RASAL2: variants seen among roughly 807,000 people sequenced by gnomAD.
RASAL2 encodes ras GTPase-activating protein nGAP.
A neutral mutation model predicts 128.9 loss-of-function variants in RASAL2; 58 were observed. The observed-to-expected ratio is 0.45, with a 90% CI of 0.36 to 0.56. The LOEUF (loss-of-function observed/expected upper bound fraction) is 0.56. RASAL2 is among the 20% of genes least tolerant of loss of function. The pLI is 0.00. For missense variants in RASAL2, 1,360 were observed against 1,601.6 expected (o/e 0.85, Z 2.57); for synonymous variants, 561 against 580.8 (o/e 0.97, Z 0.49).
At chr1:178,103,711 G>A (rs1658987258) in intron 1 of RASAL2, among the ~76,000 whole-genome samples, 1 of 151,868 alleles carries the variant, frequency 6.6e-6, no homozygotes, top group Non-Finnish European at 1.5e-5. Flanking sequence ...TTTTCTTAGT[G>A]ATTTGTAGGA....
chr1:178,466,238 T>C, intron 16 of RASAL2, 116 bp downstream of exon 16: 2 of 943,344 alleles, frequency 2.1e-6, no homozygotes, highest in Non-Finnish European at 3.0e-6. Flanking sequence ...TGGTACTGAG[T>C]ACAAATGTGA....
chr1:178,382,819 A>G (rs1451903861), intron 3 of RASAL2, among the ~76,000 whole-genome samples: 1 of 152,176 alleles, frequency 6.6e-6, no homozygotes, highest in Admixed American at 6.5e-5. Context: ...TTATGTTTTC[A>G]TCATCATCAT....
At chr1:178,370,342 C>T (rs537872220) in intron 3 of RASAL2, among the ~76,000 whole-genome samples, 6 of 152,168 alleles carry the variant, frequency 3.9e-5, no homozygotes, top group African/African-American at 1.4e-4. Flanking sequence ...ATGTCCAATC[C>T]CAGAGCTCCA....
chr1:178,200,378 G>A (rs565593819), intron 1 of RASAL2, among the ~76,000 whole-genome samples: 4 of 152,190 alleles, frequency 2.6e-5, no homozygotes, highest in Non-Finnish European at 2.9e-5. Flanking sequence ...TTCCTGATGC[G>A]CTGCTCCTGA....
chr1:178,160,097 C>T (rs999740811), intron 1 of RASAL2, among the ~76,000 whole-genome samples: 38 of 150,764 alleles, frequency 2.5e-4, no homozygotes, highest in Admixed American at 1.5e-3. Flanking sequence ...ATGTGCACAA[C>T]GTGCAGGTTT....
At chr1:178,453,127 A>G (rs1229572014) in intron 11 of RASAL2, among the ~76,000 whole-genome samples, 1 of 152,078 alleles carries the variant, frequency 6.6e-6, no homozygotes, top group African/African-American at 2.4e-5. Flanking sequence ...AATGCAAAAG[A>G]TGGAGGGGGG....
chr1:178,418,695 G>T (rs902277029), intron 4 of RASAL2, among the ~76,000 whole-genome samples: 1 of 152,202 alleles, frequency 6.6e-6, no homozygotes, highest in Non-Finnish European at 1.5e-5. Context: ...CACTGTGGCA[G>T]TCTATACTGT....
intron 1 of RASAL2, among the ~76,000 whole-genome samples, chr1:178,213,281 C>G (rs749015326): frequency 6.6e-6 from 1 of 152,060 alleles, no homozygotes; most frequent in African/African-American, 2.4e-5. Flanking sequence ...TGGGTGCAAG[C>G]GATTCTCCTG....
chr1:178,172,936 A>G (rs1054491055), intron 1 of RASAL2, among the ~76,000 whole-genome samples: 1 of 152,166 alleles, frequency 6.6e-6, no homozygotes, highest in African/African-American at 2.4e-5. Context: ...TTGCATTCCT[A>G]GAAATTCAGT....
At chr1:178,368,635 T>C (rs1209071224) in intron 3 of RASAL2, among the ~76,000 whole-genome samples, 1 of 149,330 alleles carries the variant, frequency 6.7e-6, no homozygotes, top group Non-Finnish European at 1.5e-5. Context: ...ATTCTTTCTT[T>C]CTTTTTTTTT....
At chr1:178,319,597 G>T (rs1277790551) in intron 3 of RASAL2, among the ~76,000 whole-genome samples, 2 of 147,056 alleles carry the variant, frequency 1.4e-5, no homozygotes, top group Admixed American at 6.7e-5. Flanking sequence ...GGCTCCTGAG[G>T]CTTCTGCATT....
intron 1 of RASAL2, among the ~76,000 whole-genome samples, chr1:178,193,979 T>C (rs1395558513): frequency 6.6e-6 from 1 of 152,214 alleles, no homozygotes; most frequent in Non-Finnish European, 1.5e-5. Flanking sequence ...TGATGTATGG[T>C]CAAACTGAGG....
At chr1:178,190,345 CAGTT>C (rs1158234542) in intron 1 of RASAL2, among the ~76,000 whole-genome samples, 1 of 152,034 alleles carries the variant, frequency 6.6e-6, no homozygotes, top group African/African-American at 2.4e-5. Flanking sequence ...ATACTCTGAA[CAGTT>C]AGAGGAAAAG....
At chr1:178,175,793 T>C (rs1351985903) in intron 1 of RASAL2, among the ~76,000 whole-genome samples, 1 of 152,140 alleles carries the variant, frequency 6.6e-6, no homozygotes, top group African/African-American at 2.4e-5. Context: ...AGAGAACATA[T>C]GGTATTTGGT....
intron 3 of RASAL2, among the ~76,000 whole-genome samples, chr1:178,352,358 C>T (rs2102444407): frequency 6.6e-6 from 1 of 152,304 alleles, no homozygotes; most frequent in African/African-American, 2.4e-5. Context: ...TTGGGGCAAA[C>T]AGGAGAAGAA....
intron 3 of RASAL2, among the ~76,000 whole-genome samples, chr1:178,332,613 C>CTTTTT (rs72401422): frequency 2.9e-5 from 4 of 136,124 alleles, no homozygotes; most frequent in Middle Eastern, 3.8e-3. Context: ...GTCTCCAATT[C>CTTTTT]TTTTTTTTTT....
At chr1:178,266,543 G>A (rs1665960924) in intron 1 of RASAL2, among the ~76,000 whole-genome samples, 1 of 152,102 alleles carries the variant, frequency 6.6e-6, no homozygotes, top group East Asian at 1.9e-4. Flanking sequence ...CACCAAATTC[G>A]ATAAGACGAC....
chr1:178,136,656 C>T (rs2102319525), intron 1 of RASAL2, among the ~76,000 whole-genome samples: 1 of 142,032 alleles, frequency 7.0e-6, no homozygotes, highest in Non-Finnish European at 1.5e-5. Context: ...ACTCAGGAGG[C>T]TGAGACAGGA....
intron 4 of RASAL2, among the ~76,000 whole-genome samples, chr1:178,416,475 ATTG>A (rs1313905454): frequency 6.6e-6 from 1 of 152,028 alleles, no homozygotes; most frequent in African/African-American, 2.4e-5. Context: ...AATTAAATAC[ATTG>A]TTGTTATTAC....
Sources: gnomAD v4.1 joint callset for allele counts (sites outside exome capture counted in the v4.1 genomes callset) on GRCh38, gnomAD v4.1.1 for gene constraint, MANE v1.5 for transcripts, NCBI Gene and HGNC (gene_info 2026-07-23, HGNC 2026-07-21) for gene names.